The following MPPED1 variants were observed in gnomAD, a reference collection of about 807,000 sequenced individuals.
The protein encoded by MPPED1 is metallophosphoesterase domain-containing protein 1.
Under a neutral mutation model 36.2 loss-of-function variants are expected in MPPED1, and 16 were observed. The ratio of observed to expected loss-of-function variants is 0.44; its 90% CI spans 0.30 to 0.67. MPPED1 has a LOEUF of 0.67. MPPED1 is among the 30% of genes least tolerant of loss of function. The pLI is 0.10. For missense variants in MPPED1, 307 were observed against 453.4 expected (o/e 0.68, Z 2.93); for synonymous variants, 199 against 191.3 (o/e 1.04, Z -0.33).
chr22:43,423,038 T>C (rs135086), intron 1 of MPPED1, among the ~76,000 whole-genome samples: 68,927 of 151,868 alleles, frequency 0.45, 15,884 homozygotes, highest in African/African-American at 0.47. Context: ...GGTTTCACTA[T>C]GTTGGCCAGG....
At chr22:43,427,503 G>A (rs963881705) in intron 2 of MPPED1, among the ~76,000 whole-genome samples, 4 of 152,140 alleles carry the variant, frequency 2.6e-5, no homozygotes, top group African/African-American at 9.7e-5. Flanking sequence ...GGGCGTGCAG[G>A]AGACACCACA....
At chr22:43,504,727 A>G (rs892116639) in intron 6 of MPPED1, among the ~76,000 whole-genome samples, 7 of 151,546 alleles carry the variant, frequency 4.6e-5, no homozygotes, top group Non-Finnish European at 5.9e-5. Context: ...AATGATGATG[A>G]TAATAGGAGC....
intron 2 of MPPED1, among the ~76,000 whole-genome samples, chr22:43,432,902 G>GAGAA (rs1929807569): frequency 3.0e-5 from 2 of 66,156 alleles, no homozygotes; most frequent in African/African-American, 3.8e-5. Context: ...AGGAGAGAGA[G>GAGAA]AGGGAAAGAG....
At chr22:43,487,164 C>G (rs1460244351) in intron 4 of MPPED1, among the ~76,000 whole-genome samples, 1 of 152,136 alleles carries the variant, frequency 6.6e-6, no homozygotes, top group East Asian at 1.9e-4. Context: ...AGGGATGGAC[C>G]TCAGTCAGGG....
In MPPED1 at chr22:43,479,775, G is replaced by A. The variant is rs112808558; in HGVS notation, c.632+4814G>A. ...GGGCTTTACATAGCAAGCTAGAAAGGGGAAGCAAAAAGCAAACATATGGTT... is the reference window on the plus strand; with the variant it reads ...GGGCTTTACATAGCAAGCTAGAAAGAGGAAGCAAAAAGCAAACATATGGTT... On this transcript the variant is annotated intron_variant, in intron 4 of 6. Coordinates refer to ENST00000443721, the MANE Select transcript of MPPED1 (RefSeq NM_001044370.2). Among the ~76,000 whole-genome samples the A allele has an allele frequency of 4.8e-4, 73 of 152,318 alleles. 1 individual carries two copies. The highest frequency in any genetic ancestry group is 8.7e-4 in the Non-Finnish European group (59 of 68,028).
intron 4 of MPPED1, among the ~76,000 whole-genome samples, chr22:43,497,796 G>C (rs1006919301): frequency 6.6e-6 from 1 of 151,126 alleles, no homozygotes; most frequent in African/African-American, 2.5e-5. Context: ...CACCCCACCT[G>C]GGGGAGGGAG....
chr22:43,424,264 C>T (rs1490420919), intron 1 of MPPED1, among the ~76,000 whole-genome samples: 1 of 152,114 alleles, frequency 6.6e-6, no homozygotes, highest in Non-Finnish European at 1.5e-5. Context: ...CCATCTCTGC[C>T]CCTACCTGCA....
At chr22:43,425,557 T>G (rs1929437216) in intron 2 of MPPED1, among the ~76,000 whole-genome samples, 1 of 152,242 alleles carries the variant, frequency 6.6e-6, no homozygotes. Flanking sequence ...CATGTCCTCC[T>G]GGCAGCGTCT....
intron 3 of MPPED1, among the ~76,000 whole-genome samples, chr22:43,453,248 C>T (rs1930636716): frequency 6.6e-6 from 1 of 152,138 alleles, no homozygotes; most frequent in Admixed American, 6.6e-5. Context: ...CTGTGCCCGG[C>T]CAGTCTTACT....
chr22:43,417,940 G>A (rs913490359), intron 1 of MPPED1: 23 of 422,062 alleles, frequency 5.4e-5, no homozygotes, highest in African/African-American at 3.2e-4. Context: ...TCAGAACGCC[G>A]CAGCGGGGAT....
rs1602003151 is a variant in MPPED1, at chr22:43,482,972, A to T, written c.632+8011A>T. ...TGATTGCAGTGACAGTCCCTGTCTT[A>T]TGCTGGCCCAGAGGCCCTGTCCTCT... On this transcript the variant is annotated intron_variant, in intron 4 of 6. Transcript: ENST00000443721. Among the ~76,000 whole-genome samples, 3 of 152,320 alleles carry T rather than the reference A, an allele frequency of 2.0e-5. No homozygotes were observed. In the East Asian group the frequency reaches 5.8e-4, roughly 29 times the overall value.
At chr22:43,425,967 A>G (rs1929454499) in intron 2 of MPPED1, among the ~76,000 whole-genome samples, 1 of 152,010 alleles carries the variant, frequency 6.6e-6, no homozygotes, top group African/African-American at 2.4e-5. Context: ...AGGACCTGGA[A>G]AGCTGTGGGT....
intron 3 of MPPED1, among the ~76,000 whole-genome samples, chr22:43,465,357 C>T (rs1931128705): frequency 6.6e-6 from 1 of 152,236 alleles, no homozygotes; most frequent in Non-Finnish European, 1.5e-5. Context: ...GCTATTTGGC[C>T]TCTGGGGACA....
At chr22:43,423,368 C>CCCACCTA (rs1929345406) in intron 1 of MPPED1, among the ~76,000 whole-genome samples, 1 of 152,200 alleles carries the variant, frequency 6.6e-6, no homozygotes, top group Non-Finnish European at 1.5e-5. Flanking sequence ...GCCCCTGCTC[C>CCCACCTA]CCCACCTACA....
intron 4 of MPPED1, among the ~76,000 whole-genome samples, chr22:43,487,377 G>C (rs1931945274): frequency 6.6e-6 from 1 of 152,202 alleles, no homozygotes; most frequent in African/African-American, 2.4e-5. Context: ...GGAAGTGGAT[G>C]GTTAAGGTTG....
intron 2 of MPPED1, among the ~76,000 whole-genome samples, chr22:43,428,269 C>T (rs371315071): frequency 1.2e-4 from 19 of 152,318 alleles, no homozygotes; most frequent in Admixed American, 5.2e-4. Flanking sequence ...CCACCACCTC[C>T]GGCAGAGGGG....
chr22:43,496,239 T>A (rs1932344676), intron 4 of MPPED1, among the ~76,000 whole-genome samples: 1 of 110,432 alleles, frequency 9.1e-6, no homozygotes, highest in Admixed American at 8.5e-5. Flanking sequence ...GTGGTGGAGG[T>A]GGTGGTGGAG....
intron 5 of MPPED1, among the ~76,000 whole-genome samples, chr22:43,498,994 C>A (rs1047143800): frequency 3.9e-5 from 6 of 151,970 alleles, no homozygotes; most frequent in Non-Finnish European, 8.8e-5. Context: ...CTGACCCTGC[C>A]TCAGTCCAGG....
At chr22:43,481,527 A>G (rs901870569) in intron 4 of MPPED1, among the ~76,000 whole-genome samples, 3 of 152,160 alleles carry the variant, frequency 2.0e-5, no homozygotes, top group Admixed American at 1.3e-4. Context: ...TATTTGTTGG[A>G]TGAATGAATG....
Sources: allele counts gnomAD v4.1 joint callset (sites outside exome capture counted in the v4.1 genomes callset), GRCh38; gene constraint gnomAD v4.1.1; transcripts MANE v1.5; gene names NCBI Gene and HGNC (gene_info 2026-07-23, HGNC 2026-07-21).